The following NAT10 variants were observed in gnomAD, a reference collection of about 807,000 sequenced individuals.
The protein encoded by NAT10 is N-acetyltransferase 10.
In NAT10, 109 loss-of-function variants were observed where a neutral mutation model predicts 132.2. That is an observed-to-expected ratio of 0.82 (90% CI 0.71 to 0.97). The LOEUF (loss-of-function observed/expected upper bound fraction) is 0.97, where lower values mean the gene tolerates loss of function less well. Ranked by LOEUF, NAT10 falls within the 50% of genes least tolerant of loss-of-function variation. The probability of loss-of-function intolerance (pLI) is 0.00; values close to 1 mark genes in which losing one functional copy is unlikely to be tolerated. For missense variants in NAT10, 1,184 were observed against 1,263.4 expected, an observed-to-expected ratio of 0.94 and a Z score of 0.95; for synonymous variants, 479 against 478.0, an observed-to-expected ratio of 1.00 and a Z score of -0.03.
chr11:34,124,885 G>T (rs1178700385), intron 11 of NAT10, among the ~76,000 whole-genome samples: 1 of 152,212 alleles, frequency 6.6e-6, no homozygotes, highest in Non-Finnish European at 1.5e-5. Flanking sequence ...CTAGCACTCT[G>T]TAAGCCTGAA....
chr11:34,119,520 A>G (rs1388416328), intron 8 of NAT10, among the ~76,000 whole-genome samples: 1 of 152,242 alleles, frequency 6.6e-6, no homozygotes, highest in African/African-American at 2.4e-5. Flanking sequence ...GGAGTGAGTG[A>G]TAGGATAAAG....
chr11:34,140,329 C>G (rs987140649), intron 23 of NAT10, 71 bp from the exon 24 acceptor site: 5 of 1,456,608 alleles, frequency 3.4e-6, no homozygotes, highest in Non-Finnish European at 4.7e-6. Flanking sequence ...AGGGTGCCGC[C>G]TGGGGGCTGT....
At chr11:34,144,909 A>G (rs1462631428) in intron 28 of NAT10, among the ~76,000 whole-genome samples, 1 of 152,224 alleles carries the variant, frequency 6.6e-6, no homozygotes, top group Admixed American at 6.5e-5. Context: ...TCTAGGAACT[A>G]TAGATCCCAG....
At chr11:34,140,274 C>T (rs577847611) in intron 23 of NAT10, 126 bp from the exon 24 acceptor site, 527 of 912,926 alleles carry the variant, frequency 5.8e-4, no homozygotes, top group Non-Finnish European at 8.0e-4. Context: ...TGGGCCAGGG[C>T]TGTGTGGTAT....
At chr11:34,141,901 C>G (rs1030305395) in intron 26 of NAT10, 84 bp downstream of exon 26, 42 of 1,179,920 alleles carry the variant, frequency 3.6e-5, no homozygotes, top group Non-Finnish European at 4.8e-5. Flanking sequence ...TTCCCCTTCC[C>G]CTTTAGAAAG....
At chr11:34,107,194 A>G (rs937359008) in intron 1 of NAT10, 3 of 151,966 alleles carry the variant, frequency 2.0e-5, no homozygotes, top group African/African-American at 7.3e-5. Context: ...TAAGTTTTGT[A>G]TTTTTAGTAG....
chr11:34,143,589 C>T, intron 28 of NAT10, 61 bp downstream of exon 28: 1 of 1,478,984 alleles, frequency 6.8e-7, no homozygotes, highest in East Asian at 2.3e-5. Flanking sequence ...CTCTGCTTCT[C>T]TTTAACTTTG....
chr11:34,123,709 T>C (rs760441639), intron 9 of NAT10, 53 bp from the exon 10 acceptor site: 234 of 1,331,278 alleles, frequency 1.8e-4, no homozygotes, highest in Non-Finnish European at 2.4e-4. Context: ...TTAAATTGTT[T>C]CTTTAAGATG....
chr11:34,108,319 C>A lies in NAT10; in HGVS notation c.94C>A (p.Arg32=), dbSNP rs753240917. ...QRSLFVVVGD[R]GKDQVVILHH... is the part of the protein sequence containing the mutation. ...ATCTCTCTTTGTTGTAGTTGGGGAT[C>A]GAGGAAAAGATCAGGTATGGCCTGG... is the stretch of plus-strand genomic sequence containing the variant. The change falls in exon 2 of 29, where the codon CGA becomes AGA. Residue 32 remains arginine (R), a synonymous_variant. Transcript: ENST00000257829. 1 of 1,613,452 alleles carries A rather than the reference C, an allele frequency of 6.2e-7. No homozygotes were observed. The highest frequency in any genetic ancestry group is 8.5e-7 in the Non-Finnish European group (1 of 1,179,488).
intron 1 of NAT10, chr11:34,107,183 C>G (rs984066944): frequency 3.9e-5 from 6 of 152,110 alleles, no homozygotes; most frequent in African/African-American, 1.2e-4. Flanking sequence ...CCACTCCCGG[C>G]TAAGTTTTGT....
Position 34,111,941 on chromosome 11 carries a change from C to G in NAT10, c.201-111C>G, listed in dbSNP as rs1158177000. 5 of 1,303,738 alleles carry G rather than the reference C, an allele frequency of 3.8e-6. No homozygotes were observed. In the African/African-American group the frequency reaches 7.4e-5, roughly 19 times the overall value. 80.8% of individuals were successfully genotyped at this position (1,303,738 alleles called of 1,614,324 possible). A position where few individuals can be genotyped will look rare whatever the true frequency, so the allele number is the denominator to read the frequency against. On this transcript the variant is annotated intron_variant, in intron 3 of 28. Transcript: ENST00000257829. ...AGTGGGCCTCACACTTTCAAGTTCCCTACTAGCTCTGAAAGTCTAAGTGGG... is the reference window on the plus strand; with the variant it reads ...AGTGGGCCTCACACTTTCAAGTTCCGTACTAGCTCTGAAAGTCTAAGTGGG...
rs763290886 is a variant in NAT10 at position 34,105,636 on chromosome 11, G to A, written c.-172G>A. On this transcript the variant is annotated 5_prime_UTR_variant, in exon 1 of 29. Coordinates refer to ENST00000257829, the MANE Select transcript of NAT10 (RefSeq NM_024662.3). ...GCGCACGTGCTGTCTACCAGTTCCT[G>A]AGAGGGACGCGTGCCGCGGAGCCAG... 5 of 152,484 alleles carry A rather than the reference G, an allele frequency of 3.3e-5. No homozygotes were observed. Among genetic ancestry groups the A allele is most frequent in the African/African-American group, 1.2e-4 (5 of 41,602 alleles). The allele number at this position is 152,484 out of a possible 1,614,324, so 9.4% of individuals were successfully genotyped here.
chr11:34,123,808 ACT>A lies in NAT10; in HGVS notation c.964_965del (p.Leu322ValfsTer2), dbSNP rs749441500. 1 of 1,611,376 alleles carries A rather than the reference ACT, an allele frequency of 6.2e-7. No homozygotes were observed. Among genetic ancestry groups the A allele is most frequent in the Non-Finnish European group, 8.5e-7 (1 of 1,177,706 alleles). ...VTSPSPDNLH[T>X]LFEFVFKGFD... ...CTCCCCAAGCCCTGATAACCTCCAT[ACT>A]CTGTTTGAATTTGTATTTAAAGGAT... is the stretch of plus-strand genomic sequence containing the variant. On this transcript the variant is annotated frameshift_variant, in exon 10 of 29. Transcript: ENST00000257829. LOFTEE classifies it high-confidence loss of function.
chr11:34,143,534 G>T lies in NAT10; in HGVS notation c.2969+6G>T, dbSNP rs765539805. 8 of 1,613,318 alleles carry T rather than the reference G, an allele frequency of 5.0e-6. 1 individual carries two copies. In the South Asian group the frequency reaches 8.8e-5, roughly 18 times the overall value. ...TCGATCATCAGCCTGAAAAGGTGAGGGCCCAGGGTCTGATGTGCATCTGGC... is the reference window on the plus strand; with the variant it reads ...TCGATCATCAGCCTGAAAAGGTGAGTGCCCAGGGTCTGATGTGCATCTGGC... On this transcript the variant is annotated splice_donor_region_variant and intron_variant, in intron 28 of 28. Transcript: ENST00000257829.
rs1309896070 is a variant in NAT10, at chr11:34,118,476, G to T, written c.753G>T (p.Leu251Phe). 1 of 1,613,872 alleles carries T rather than the reference G, an allele frequency of 6.2e-7. No homozygotes were observed. Among genetic ancestry groups the T allele is most frequent in the Non-Finnish European group, 8.5e-7 (1 of 1,179,950 alleles). Residue 251 changes from leucine to phenylalanine, a missense_variant, in exon 8 of 29, where the codon TTG becomes TTT. Transcript: ENST00000257829. ...SLQDTQPVGV[L>F]VDCCKTLDQA... is the part of the protein sequence containing the mutation. Reference sequence around the variant, plus strand: ...AGGACACCCAGCCTGTGGGTGTGTTGGTGGACTGCTGTAAGACTCTAGACC... The same window carrying T: ...AGGACACCCAGCCTGTGGGTGTGTTTGTGGACTGCTGTAAGACTCTAGACC...
intron 23 of NAT10, 63 bp downstream of exon 23, chr11:34,139,558 G>A: frequency 7.0e-7 from 1 of 1,435,740 alleles, no homozygotes; most frequent in Middle Eastern, 1.8e-4. Flanking sequence ...AGGTGGGTGT[G>A]GTGTCCTAGG....
rs547320256 is a variant in NAT10, at chr11:34,142,605, C to T, written c.2885+257C>T. Among the ~76,000 whole-genome samples the T allele has an allele frequency of 3.3e-5, 5 of 152,318 alleles. No individual in the cohort carries two copies. The South Asian group carries it at 6.2e-4, about 19-fold the overall frequency. On this transcript the variant is annotated intron_variant, in intron 27 of 28. Transcript: ENST00000257829. ...ATCCCCAAGGCTCCAGGTCACACCT[C>T]GGGTCCTTCCAGGAGTGGGGGTGCC... is the stretch of plus-strand genomic sequence containing the variant.
rs1444302709 is a variant in NAT10 at position 34,146,155 on chromosome 11, A to G, written c.3041A>G (p.Lys1014Arg). 2 of 1,609,942 alleles carry G rather than the reference A, an allele frequency of 1.2e-6. No individual in the cohort carries two copies. The highest frequency in any genetic ancestry group is 1.7e-6 in the Non-Finnish European group (2 of 1,178,380). Residue 1014 changes from lysine to arginine, a missense_variant, in exon 29 of 29, where the codon AAG becomes AGG. Physicochemically the swap from Lys to Arg is conservative, Grantham distance 26. Coordinates refer to ENST00000257829, the MANE Select transcript of NAT10 (RefSeq NM_024662.3). The stretch of plus-strand genomic sequence containing the variant: ...AAGAAGTTGAAGAACAGAGAGACAA[A>G]GAACAAAAAAGATATGAAACTGAAG... ...QSKKLKNRET[K>R]NKKDMKLKRK...
intron 6 of NAT10, among the ~76,000 whole-genome samples, chr11:34,117,505 G>A (rs758053828): frequency 2.6e-5 from 4 of 152,184 alleles, no homozygotes; most frequent in Non-Finnish European, 5.9e-5. Flanking sequence ...GTAGAAATCC[G>A]AGCCTTGATG....
Sources: allele counts gnomAD v4.1 joint callset (sites outside exome capture counted in the v4.1 genomes callset), GRCh38; gene constraint gnomAD v4.1.1; transcripts MANE v1.5; gene names NCBI Gene and HGNC (gene_info 2026-07-23, HGNC 2026-07-21).